Variants in FBXL13 observed in about 807,000 individuals in gnomAD.
The protein encoded by FBXL13 is F-box and leucine-rich repeat protein 13.
FBXL13 carries 67 observed loss-of-function variants against 83.6 expected under a neutral mutation model. That is an observed-to-expected ratio of 0.80 (90% CI 0.66 to 0.98). The LOEUF (loss-of-function observed/expected upper bound fraction) is 0.98, where lower values mean the gene tolerates loss of function less well. FBXL13 is among the 50% of genes least tolerant of loss of function. FBXL13 has a pLI of 0.00. For synonymous variants in FBXL13, 272 were observed against 299.5 expected (o/e 0.91, Z 0.95); for missense variants, 822 against 866.5 (o/e 0.95, Z 0.64).
At chr7:103,057,718 C>T (rs1387621958) in intron 1 of FBXL13, among the ~76,000 whole-genome samples, 1 of 152,118 alleles carries the variant, frequency 6.6e-6, no homozygotes, top group Non-Finnish European at 1.5e-5. Context: ...TGAGGTCCCC[C>T]CAAAAGAAGA....
chr7:102,917,739 ACTT>A (rs1318008808), intron 10 of FBXL13, among the ~76,000 whole-genome samples: 1 of 152,222 alleles, frequency 6.6e-6, no homozygotes, highest in East Asian at 1.9e-4. Flanking sequence ...CCAGGATGAC[ACTT>A]CTTGTAGCGT....
chr7:102,914,412 C>T (rs2129469269), intron 10 of FBXL13, among the ~76,000 whole-genome samples: 1 of 152,344 alleles, frequency 6.6e-6, no homozygotes, highest in Non-Finnish European at 1.5e-5. Context: ...CCACTACTAT[C>T]TGCTCTTCTA....
At chr7:102,909,716 A>G (rs879446717) in intron 11 of FBXL13, among the ~76,000 whole-genome samples, 1 of 151,908 alleles carries the variant, frequency 6.6e-6, no homozygotes, top group Non-Finnish European at 1.5e-5. Context: ...GGGCCTTATG[A>G]CTCTAACTGG....
chr7:103,056,087 T>C (rs1204909892), intron 1 of FBXL13, among the ~76,000 whole-genome samples: 2 of 152,168 alleles, frequency 1.3e-5, no homozygotes, highest in Non-Finnish European at 2.9e-5. Context: ...CATTTATGAG[T>C]GAGAACGTAT....
At chr7:103,011,024 A>C (rs982414518) in intron 6 of FBXL13, among the ~76,000 whole-genome samples, 1 of 151,712 alleles carries the variant, frequency 6.6e-6, no homozygotes, top group Admixed American at 6.5e-5. Context: ...AAGAAGAAAA[A>C]AGCAAAAAAA....
intron 6 of FBXL13, among the ~76,000 whole-genome samples, chr7:102,997,221 G>A (rs1380183124): frequency 2.0e-5 from 3 of 152,096 alleles, no homozygotes; most frequent in Non-Finnish European, 4.4e-5. Flanking sequence ...AAACATTCAT[G>A]CTTTTATTAT....
At chr7:102,815,647 A>G (rs1421362118) in intron 19 of FBXL13, among the ~76,000 whole-genome samples, 1 of 152,178 alleles carries the variant, frequency 6.6e-6, no homozygotes, top group Non-Finnish European at 1.5e-5. Flanking sequence ...GACCTATAGG[A>G]AAAGGAAATG....
chr7:102,925,066 G>A (rs574852100), intron 10 of FBXL13, among the ~76,000 whole-genome samples: 2 of 152,322 alleles, frequency 1.3e-5, no homozygotes, highest in African/African-American at 4.8e-5. Flanking sequence ...CTCTCCTAGT[G>A]TGATCATATA....
intron 1 of FBXL13, among the ~76,000 whole-genome samples, chr7:103,074,068 CTT>C (rs1799354042): frequency 1.3e-5 from 2 of 152,206 alleles, no homozygotes; most frequent in African/African-American, 4.8e-5. Context: ...CTTCCCTACT[CTT>C]ATAACGGCAG....
intron 2 of FBXL13, among the ~76,000 whole-genome samples, chr7:103,040,523 T>C (rs1795556781): frequency 6.6e-6 from 1 of 152,134 alleles, no homozygotes; most frequent in Non-Finnish European, 1.5e-5. Context: ...GAATATACAC[T>C]CTTCTGAGCA....
chr7:102,986,120 A>G (rs544343822), intron 6 of FBXL13, among the ~76,000 whole-genome samples: 1 of 152,258 alleles, frequency 6.6e-6, no homozygotes, highest in South Asian at 2.1e-4. Flanking sequence ...GGATGCCAGA[A>G]GAAATGGGAA....
intron 17 of FBXL13, among the ~76,000 whole-genome samples, chr7:102,852,150 A>G (rs566285061): frequency 9.9e-5 from 15 of 152,192 alleles, no homozygotes; most frequent in Non-Finnish European, 1.0e-4. Flanking sequence ...TTTATTTTGA[A>G]TCTGACATGA....
At chr7:103,041,844 T>C (rs1228900307) in intron 2 of FBXL13, among the ~76,000 whole-genome samples, 1 of 152,232 alleles carries the variant, frequency 6.6e-6, no homozygotes, top group East Asian at 1.9e-4. Context: ...GAGCTATTTA[T>C]GACAAACCCA....
At chr7:102,999,687 C>A (rs1201022035) in intron 6 of FBXL13, among the ~76,000 whole-genome samples, 1 of 151,740 alleles carries the variant, frequency 6.6e-6, no homozygotes, top group Non-Finnish European at 1.5e-5. Context: ...CTATGTTTTC[C>A]AATTTGTTGG....
chr7:102,847,233 C>G (rs1441048916), intron 17 of FBXL13, among the ~76,000 whole-genome samples: 1 of 151,668 alleles, frequency 6.6e-6, no homozygotes, highest in Non-Finnish European at 1.5e-5. Flanking sequence ...TACCCCTGCT[C>G]TAGGGTGCAA....
At chr7:103,049,028 G>A (rs747604557) in intron 2 of FBXL13, among the ~76,000 whole-genome samples, 2 of 151,878 alleles carry the variant, frequency 1.3e-5, no homozygotes, top group Admixed American at 6.6e-5. Flanking sequence ...ATCCTTTCAC[G>A]ACTTACACAG....
intron 2 of FBXL13, 30 bp from the exon 4 acceptor site, chr7:103,029,448 A>ATT: frequency 8.1e-7 from 1 of 1,235,916 alleles, no homozygotes; most frequent in Non-Finnish European, 1.1e-6. Flanking sequence ...GAAATAACAA[A>ATT]TATTAGAAAT....
intron 6 of FBXL13, among the ~76,000 whole-genome samples, chr7:102,972,340 T>A (rs1347578390): frequency 6.6e-6 from 1 of 152,180 alleles, no homozygotes; most frequent in African/African-American, 2.4e-5. Flanking sequence ...AAGAAGAAAG[T>A]ATAAATATTA....
At chr7:102,986,980 T>TA (rs796120775) in intron 6 of FBXL13, among the ~76,000 whole-genome samples, 46 of 146,486 alleles carry the variant, frequency 3.1e-4, no homozygotes, top group East Asian at 1.8e-3. Flanking sequence ...TACTAAGCCA[T>TA]AAAAAAAAAA....
Sources: gnomAD v4.1 joint callset for allele counts (sites outside exome capture counted in the v4.1 genomes callset) on GRCh38, gnomAD v4.1.1 for gene constraint, MANE v1.5 for transcripts, NCBI Gene and HGNC (gene_info 2026-07-23, HGNC 2026-07-21) for gene names.